PCDHA9: variants seen among roughly 807,000 people sequenced by gnomAD.
PCDHA9 encodes protocadherin alpha-9.
Under a neutral mutation model 62.0 loss-of-function variants are expected in PCDHA9, and 62 were observed. The observed-to-expected ratio is 1.00, with a 90% CI of 0.81 to 1.23. PCDHA9 has a LOEUF of 1.23. Ranked by LOEUF, PCDHA9 falls within the 50% of genes most tolerant of loss-of-function variation. The probability of loss-of-function intolerance (pLI) is 0.00; values close to 1 mark genes in which losing one functional copy is unlikely to be tolerated. For missense variants in PCDHA9, 1,205 were observed against 1,249.8 expected (o/e 0.96, Z 0.54); for synonymous variants, 557 against 567.6 (o/e 0.98, Z 0.27).
rs1432987823 is a variant in PCDHA9, at chr5:140,905,869, AAGGCCCAACAAT to A, written c.2394+54986_2394+54997del. ...AAGGAGTATTAACTCACACAATCAC[AAGGCCCAACAAT>A]AGGCCATCTGCAAGCTGAGGAGCAA... On this transcript the variant is annotated intron_variant, in intron 1 of 3. Coordinates refer to ENST00000532602, the MANE Select transcript of PCDHA9 (RefSeq NM_031857.2). 1.1e-4 allele frequency among the ~76,000 whole-genome samples: 17 copies of A among 152,326 alleles called. No individual in the cohort carries two copies. In the South Asian group the frequency reaches 3.5e-3, roughly 32 times the overall value.
chr5:140,941,341 G>A (rs1413393487), intron 1 of PCDHA9, among the ~76,000 whole-genome samples: 1 of 119,412 alleles, frequency 8.4e-6, no homozygotes, highest in African/African-American at 3.2e-5. Flanking sequence ...TTTTCAGATG[G>A]AGTCTTGCTC....
At chr5:140,989,644 T>C (rs1284720942) in intron 3 of PCDHA9, among the ~76,000 whole-genome samples, 3 of 152,232 alleles carry the variant, frequency 2.0e-5, no homozygotes, top group Non-Finnish European at 4.4e-5. Flanking sequence ...GGGTCTTTCA[T>C]GGCAATATTT....
intron 3 of PCDHA9, among the ~76,000 whole-genome samples, chr5:140,983,802 A>G (rs2097069375): frequency 6.6e-6 from 1 of 152,246 alleles, no homozygotes; most frequent in South Asian, 2.1e-4. Context: ...ATGTGTGTGT[A>G]AAAGGTTTTT....
intron 3 of PCDHA9, among the ~76,000 whole-genome samples, chr5:141,001,157 A>T (rs1554258022): frequency 6.6e-6 from 1 of 152,136 alleles, no homozygotes; most frequent in African/African-American, 2.4e-5. Flanking sequence ...TGATCTTAAT[A>T]AGTAAAATTT....
intron 1 of PCDHA9, 109 bp downstream of exon 1, chr5:140,850,998 C>T (rs1333674670): frequency 6.9e-7 from 1 of 1,440,098 alleles, no homozygotes; most frequent in Non-Finnish European, 9.2e-7. Context: ...TCTAGAAATC[C>T]AGCAGATTTT....
chr5:140,856,813 G>T (rs150906180), intron 1 of PCDHA9: 1 of 1,594,284 alleles, frequency 6.3e-7, no homozygotes, highest in East Asian at 2.2e-5. Context: ...AAAATCAAGT[G>T]AACCAAACAT....
intron 1 of PCDHA9, among the ~76,000 whole-genome samples, chr5:140,904,906 G>C (rs2071460962): frequency 6.6e-6 from 1 of 152,026 alleles, no homozygotes; most frequent in African/African-American, 2.4e-5. Context: ...TTTTCTTACT[G>C]ATTTGTTTGA....
At chr5:140,887,930 A>G (rs1276226662) in intron 1 of PCDHA9, among the ~76,000 whole-genome samples, 1 of 152,096 alleles carries the variant, frequency 6.6e-6, no homozygotes, top group Non-Finnish European at 1.5e-5. Context: ...CAGAGACCAT[A>G]TTTATTTCTT....
intron 1 of PCDHA9, chr5:140,860,225 A>ATATATATATGT (rs2046281831): frequency 6.6e-6 from 1 of 151,528 alleles, no homozygotes; most frequent in Non-Finnish European, 1.5e-5. Context: ...ATGTATATAT[A>ATATATATATGT]AGCCAGGCAT....
chr5:140,860,424 C>T (rs1554153356), intron 1 of PCDHA9: 1 of 152,034 alleles, frequency 6.6e-6, no homozygotes, highest in Non-Finnish European at 1.5e-5. Flanking sequence ...CATTATCCTG[C>T]AAATATGATC....
intron 3 of PCDHA9, among the ~76,000 whole-genome samples, chr5:141,005,012 G>T (rs782256217): frequency 3.3e-5 from 5 of 152,212 alleles, no homozygotes; most frequent in Non-Finnish European, 4.4e-5. Context: ...CCTGAGAGCT[G>T]CATTATATAT....
At chr5:140,907,752 T>C (rs1255877387) in intron 1 of PCDHA9, among the ~76,000 whole-genome samples, 5 of 152,190 alleles carry the variant, frequency 3.3e-5, no homozygotes, top group African/African-American at 1.2e-4. Flanking sequence ...ACTTTGTTCA[T>C]GGGCCCATTG....
chr5:140,875,578 T>C lies in PCDHA9; in HGVS notation c.2394+24689T>C, dbSNP rs534589966. 6 of 1,614,098 alleles carry C rather than the reference T, an allele frequency of 3.7e-6. No homozygotes were observed. Among genetic ancestry groups the C allele is most frequent in the East Asian group, 4.5e-5 (2 of 44,882 alleles). On this transcript the variant is annotated intron_variant, in intron 1 of 3. Coordinates refer to ENST00000532602, the MANE Select transcript of PCDHA9 (RefSeq NM_031857.2). ...GAGCGGCCAGCTCCACTACTCCGTC[T>C]ACGAGGAGGCCAAACACGGCACCTT... is the stretch of plus-strand genomic sequence containing the variant.
At chr5:140,947,086 CTG>C (rs1554218047) in intron 1 of PCDHA9, among the ~76,000 whole-genome samples, 1 of 151,518 alleles carries the variant, frequency 6.6e-6, no homozygotes, top group African/African-American at 2.4e-5. Context: ...AAACATCAGA[CTG>C]TAGCCCATAA....
intron 1 of PCDHA9, among the ~76,000 whole-genome samples, chr5:140,900,796 A>G (rs1269266602): frequency 1.3e-5 from 2 of 152,188 alleles, no homozygotes; most frequent in Admixed American, 6.5e-5. Flanking sequence ...ACTGTTCTCC[A>G]TAGTGCTTGT....
At chr5:140,995,371 C>G (rs143381591) in intron 3 of PCDHA9, among the ~76,000 whole-genome samples, 3 of 152,120 alleles carry the variant, frequency 2.0e-5, no homozygotes, top group Admixed American at 1.3e-4. Flanking sequence ...GGATGATTCA[C>G]GTACTGGGCA....
intron 1 of PCDHA9, chr5:140,852,548 T>C: frequency 3.3e-6 from 2 of 614,864 alleles, no homozygotes; most frequent in South Asian, 7.0e-5. Context: ...AGTGCTGGGA[T>C]TAAAGCTGTG....
intron 1 of PCDHA9, chr5:140,877,128 G>C (rs782052511): frequency 3.1e-6 from 5 of 1,613,762 alleles, no homozygotes; most frequent in Non-Finnish European, 4.2e-6. Flanking sequence ...TGACGCTGCA[G>C]GTGTTCGTGC....
chr5:140,941,285 T>C (rs1563188656), intron 1 of PCDHA9, among the ~76,000 whole-genome samples: 1 of 119,964 alleles, frequency 8.3e-6, no homozygotes, highest in African/African-American at 2.9e-5. Flanking sequence ...TTCCTTCCTT[T>C]CTCTTTCTTT....
Sources: gnomAD v4.1 joint callset for allele counts (sites outside exome capture counted in the v4.1 genomes callset) on GRCh38, gnomAD v4.1.1 for gene constraint, MANE v1.5 for transcripts, NCBI Gene and HGNC (gene_info 2026-07-23, HGNC 2026-07-21) for gene names.